The following FARP1 variants were observed in gnomAD, a reference collection of about 807,000 sequenced individuals.
The protein encoded by FARP1 is FERM, ARH/RhoGEF and pleckstrin domain protein 1.
Under a neutral mutation model 128.8 loss-of-function variants are expected in FARP1, and 52 were observed. The observed-to-expected ratio is 0.40, with a 90% confidence interval of 0.32 to 0.51. The LOEUF (loss-of-function observed/expected upper bound fraction) is 0.51. FARP1 is among the 20% of genes least tolerant of loss of function. The probability of loss-of-function intolerance (pLI) is 0.45; values close to 1 mark genes in which losing one functional copy is unlikely to be tolerated. For synonymous variants in FARP1, 580 were observed against 551.8 expected (o/e 1.05, Z -0.72); for missense variants, 1,333 against 1,367.9 (o/e 0.97, Z 0.40).
chr13:98,413,620 A>G (rs1009526731), intron 16 of FARP1, among the ~76,000 whole-genome samples: 1 of 152,246 alleles, frequency 6.6e-6, no homozygotes, highest in Non-Finnish European at 1.5e-5. Context: ...TGACTGTGCC[A>G]CTGCACTCCA....
intron 1 of FARP1, among the ~76,000 whole-genome samples, chr13:98,165,740 T>G (rs1594218253): frequency 8.9e-6 from 1 of 112,336 alleles, no homozygotes; most frequent in African/African-American, 3.5e-5. Context: ...TTTTTTTTTT[T>G]TTTGTCTCAC....
intron 4 of FARP1, among the ~76,000 whole-genome samples, chr13:98,367,247 C>T (rs1253830270): frequency 6.6e-6 from 1 of 152,156 alleles, no homozygotes; most frequent in African/African-American, 2.4e-5. Flanking sequence ...ATCTCCACTT[C>T]CTGGGTTCAA....
At chr13:98,274,861 CT>C (rs1884561743) in intron 2 of FARP1, among the ~76,000 whole-genome samples, 1 of 152,190 alleles carries the variant, frequency 6.6e-6, no homozygotes, top group African/African-American at 2.4e-5. Flanking sequence ...AGGGTTTTAT[CT>C]GGACATCAGG....
rs746373395 is a variant in FARP1, at chr13:98,295,046, TACACACACACACACACACACACAC to T, written c.172-48680_172-48657del. Among the ~76,000 whole-genome samples the T allele has an allele frequency of 2.6e-4, 28 of 108,386 alleles. No individual in the cohort carries two copies. The South Asian group carries it at 3.0e-3, about 12-fold the overall frequency. 71.1% of individuals were successfully genotyped at this position (108,386 alleles called of 152,430 possible). ...AAAAAAAAATTATATATATATATAT[TACACACACACACACACACACACAC>T]ACACACACACACACACACACACACA... On this transcript the variant is annotated intron_variant, in intron 2 of 26. Coordinates refer to ENST00000319562, the MANE Select transcript of FARP1 (RefSeq NM_005766.4).
intron 16 of FARP1, among the ~76,000 whole-genome samples, chr13:98,418,839 G>T (rs565566361): frequency 6.6e-6 from 1 of 152,116 alleles, no homozygotes; most frequent in Admixed American, 6.5e-5. Context: ...GAATGATACC[G>T]GGGCTCACCT....
chr13:98,423,711 G>C (rs1357657885), intron 16 of FARP1, among the ~76,000 whole-genome samples: 2 of 152,168 alleles, frequency 1.3e-5, no homozygotes, highest in Middle Eastern at 3.2e-3. Context: ...ACTATAACAT[G>C]AGGGTGATAG....
intron 2 of FARP1, chr13:98,234,544 A>G (rs1882312478): frequency 6.6e-6 from 1 of 152,208 alleles, no homozygotes; most frequent in South Asian, 2.1e-4. Context: ...CCGTTTCACA[A>G]TACTTTGTGT....
At chr13:98,182,493 A>AT (rs139148420) in intron 1 of FARP1, among the ~76,000 whole-genome samples, 1 of 151,818 alleles carries the variant, frequency 6.6e-6, no homozygotes, top group Non-Finnish European at 1.5e-5. Context: ...CACCTGGCTG[A>AT]TTTTTGTATT....
chr13:98,419,336 T>C (rs935641826), intron 16 of FARP1, among the ~76,000 whole-genome samples: 1 of 152,072 alleles, frequency 6.6e-6, no homozygotes, highest in African/African-American at 2.4e-5. Flanking sequence ...TAGTTGGGCA[T>C]GGTGGCAGGC....
intron 2 of FARP1, among the ~76,000 whole-genome samples, chr13:98,308,554 T>C (rs558934372): frequency 3.3e-5 from 5 of 152,340 alleles, no homozygotes; most frequent in Admixed American, 3.3e-4. Context: ...TCCTCCAGAC[T>C]AGAGTGTGCT....
intron 2 of FARP1, among the ~76,000 whole-genome samples, chr13:98,276,197 T>C (rs1038960655): frequency 6.6e-6 from 1 of 152,212 alleles, no homozygotes; most frequent in African/African-American, 2.4e-5. Flanking sequence ...ATTGATGTAA[T>C]TGATGAAATG....
At chr13:98,357,870 T>C (rs1888702622) in intron 3 of FARP1, among the ~76,000 whole-genome samples, 1 of 152,130 alleles carries the variant, frequency 6.6e-6, no homozygotes, top group Non-Finnish European at 1.5e-5. Context: ...ATTTGATCCT[T>C]TTGGATTTGG....
intron 1 of FARP1, among the ~76,000 whole-genome samples, chr13:98,211,811 C>G (rs537393394): frequency 6.6e-6 from 1 of 152,214 alleles, no homozygotes; most frequent in Non-Finnish European, 1.5e-5. Flanking sequence ...AAATATGCAG[C>G]CACATATAAA....
chr13:98,160,284 G>A (rs952502257), intron 1 of FARP1, among the ~76,000 whole-genome samples: 2 of 152,180 alleles, frequency 1.3e-5, no homozygotes, highest in Non-Finnish European at 2.9e-5. Context: ...ACTCTGGCAG[G>A]TGTGTGCTGT....
intron 2 of FARP1, among the ~76,000 whole-genome samples, chr13:98,323,325 A>C (rs571140325): frequency 1.5e-4 from 22 of 151,606 alleles, no homozygotes; most frequent in Non-Finnish European, 8.8e-5. Flanking sequence ...GGAATCAGAA[A>C]GGCAACTCGA....
chr13:98,178,489 C>G (rs1171518464), intron 1 of FARP1, among the ~76,000 whole-genome samples: 2 of 152,222 alleles, frequency 1.3e-5, no homozygotes. Flanking sequence ...AGCCACTGCA[C>G]CCCGCCTTCA....
chr13:98,438,185 G>A (rs1257687643), intron 19 of FARP1, among the ~76,000 whole-genome samples: 1 of 152,130 alleles, frequency 6.6e-6, no homozygotes, highest in Admixed American at 6.5e-5. Flanking sequence ...ATGTCACTCG[G>A]GAGGCAGAGG....
intron 15 of FARP1, among the ~76,000 whole-genome samples, chr13:98,411,282 T>G (rs1435127604): frequency 6.6e-6 from 1 of 152,178 alleles, no homozygotes; most frequent in African/African-American, 2.4e-5. Flanking sequence ...TGAAAACAAA[T>G]TCAGGGCATT....
chr13:98,175,480 T>A (rs1594230900), intron 1 of FARP1, among the ~76,000 whole-genome samples: 1 of 152,000 alleles, frequency 6.6e-6, no homozygotes, highest in South Asian at 2.1e-4. Context: ...CGGTCTTGGT[T>A]CCATCATTTC....
Sources: gnomAD v4.1 joint callset for allele counts (sites outside exome capture counted in the v4.1 genomes callset) on GRCh38, gnomAD v4.1.1 for gene constraint, MANE v1.5 for transcripts, NCBI Gene and HGNC (gene_info 2026-07-23, HGNC 2026-07-21) for gene names.